PTPRD: variants seen among roughly 807,000 people sequenced by gnomAD.
The protein encoded by PTPRD is receptor-type tyrosine-protein phosphatase delta.
Under a neutral mutation model 214.5 loss-of-function variants are expected in PTPRD, and 34 were observed. That is an observed-to-expected ratio of 0.16 (90% CI 0.12 to 0.21). The LOEUF (loss-of-function observed/expected upper bound fraction) is 0.21, where lower values mean the gene tolerates loss of function less well. PTPRD is among the 10% of genes least tolerant of loss of function. The pLI is 1.00. For missense variants in PTPRD, 2,545 were observed against 2,398.7 expected (o/e 1.06, Z -1.27); for synonymous variants, 1,128 against 845.7 (o/e 1.33, Z -5.79).
At chr9:9,268,071 G>T (rs918139068) in intron 9 of PTPRD, among the ~76,000 whole-genome samples, 12 of 150,592 alleles carry the variant, frequency 8.0e-5, no homozygotes, top group Non-Finnish European at 1.5e-4. Context: ...CAAATCAAAA[G>T]AAAAAATTGT....
At chr9:10,167,119 A>AC (rs1738203408) in intron 3 of PTPRD, among the ~76,000 whole-genome samples, 1 of 132,590 alleles carries the variant, frequency 7.5e-6, no homozygotes, top group Admixed American at 7.4e-5. Flanking sequence ...ATAAAAGTAG[A>AC]CCTTTTTTTT....
chr9:9,331,734 C>T (rs1160533225), intron 9 of PTPRD, among the ~76,000 whole-genome samples: 2 of 152,062 alleles, frequency 1.3e-5, no homozygotes, highest in Non-Finnish European at 2.9e-5. Context: ...ACCTCTTTCA[C>T]ACTTACTGTC....
intron 9 of PTPRD, among the ~76,000 whole-genome samples, chr9:9,196,565 A>T (rs1246318572): frequency 2.6e-5 from 4 of 152,200 alleles, no homozygotes; most frequent in Admixed American, 2.6e-4. Flanking sequence ...TTATACGGTT[A>T]TGCCATTTTA....
chr9:9,899,407 T>C (rs1169125967), intron 5 of PTPRD, among the ~76,000 whole-genome samples: 1 of 152,150 alleles, frequency 6.6e-6, no homozygotes, highest in Non-Finnish European at 1.5e-5. Context: ...TGAATCGATA[T>C]TTCTGTAAGG....
chr9:8,728,789 G>A (rs921474435), intron 12 of PTPRD, among the ~76,000 whole-genome samples: 2 of 152,030 alleles, frequency 1.3e-5, no homozygotes, highest in Admixed American at 6.6e-5. Context: ...AGACCAGCCT[G>A]GCCAACATGG....
chr9:9,995,959 T>A (rs1566986586), intron 4 of PTPRD, among the ~76,000 whole-genome samples: 1 of 152,296 alleles, frequency 6.6e-6, no homozygotes, highest in East Asian at 1.9e-4. Flanking sequence ...TTCTACCAGA[T>A]CTTAATTGTA....
chr9:9,333,930 T>C (rs895497344), intron 9 of PTPRD, among the ~76,000 whole-genome samples: 1 of 151,952 alleles, frequency 6.6e-6, no homozygotes, highest in Non-Finnish European at 1.5e-5. Context: ...GAATATTTCA[T>C]AGTCTCTTCG....
intron 37 of PTPRD, among the ~76,000 whole-genome samples, chr9:8,382,411 C>T (rs2085392816): frequency 6.6e-6 from 1 of 152,158 alleles, no homozygotes; most frequent in African/African-American, 2.4e-5. Flanking sequence ...TCATCAGGAG[C>T]AAAGTTGCAT....
chr9:9,302,564 T>A (rs1198946750), intron 9 of PTPRD, among the ~76,000 whole-genome samples: 1 of 150,884 alleles, frequency 6.6e-6, no homozygotes, highest in East Asian at 2.0e-4. Context: ...TTTGTTCCAC[T>A]AATATTGACC....
intron 14 of PTPRD, among the ~76,000 whole-genome samples, chr9:8,549,208 C>G (rs1302103807): frequency 6.6e-6 from 1 of 152,104 alleles, no homozygotes; most frequent in Non-Finnish European, 1.5e-5. Flanking sequence ...GAGTTAGACG[C>G]ATACTGGAGA....
chr9:10,004,217 G>T (rs1014992247), intron 4 of PTPRD, among the ~76,000 whole-genome samples: 1 of 151,676 alleles, frequency 6.6e-6, no homozygotes, highest in African/African-American at 2.4e-5. Context: ...GTATATATTG[G>T]GTGTTGTTTT....
intron 10 of PTPRD, among the ~76,000 whole-genome samples, chr9:9,172,494 T>C (rs1183642884): frequency 6.6e-6 from 1 of 152,178 alleles, no homozygotes; most frequent in Admixed American, 6.6e-5. Flanking sequence ...CGTTTGGACC[T>C]AGATTAAGCA....
intron 9 of PTPRD, among the ~76,000 whole-genome samples, chr9:9,314,580 T>C (rs1407253920): frequency 3.9e-5 from 6 of 152,092 alleles, no homozygotes; most frequent in African/African-American, 1.4e-4. Context: ...GTAAAAGGCT[T>C]CCTGTTTTTC....
At chr9:10,471,952 C>T (rs572402424) in intron 2 of PTPRD, among the ~76,000 whole-genome samples, 4 of 152,082 alleles carry the variant, frequency 2.6e-5, no homozygotes, top group African/African-American at 9.6e-5. Context: ...ATTCAAAAAA[C>T]GATCTTTGTG....
intron 2 of PTPRD, among the ~76,000 whole-genome samples, chr9:10,535,243 G>C (rs1352648200): frequency 6.6e-6 from 1 of 152,042 alleles, no homozygotes; most frequent in East Asian, 1.9e-4. Context: ...ATTTCAGTCA[G>C]GTTTTCAACT....
intron 8 of PTPRD, among the ~76,000 whole-genome samples, chr9:9,454,510 A>G (rs1389362201): frequency 6.6e-6 from 1 of 151,826 alleles, no homozygotes; most frequent in East Asian, 1.9e-4. Context: ...ATTACACTGA[A>G]TTCCCCACTA....
chr9:9,681,493 T>A (rs1158749546), intron 7 of PTPRD, among the ~76,000 whole-genome samples: 2 of 151,764 alleles, frequency 1.3e-5, no homozygotes, highest in East Asian at 3.9e-4. Flanking sequence ...AGATATGATC[T>A]TGACACATAA....
chr9:10,114,219 G>A (rs553550917), intron 3 of PTPRD, among the ~76,000 whole-genome samples: 34 of 152,242 alleles, frequency 2.2e-4, no homozygotes, highest in African/African-American at 7.5e-4. Flanking sequence ...AATATTATGT[G>A]CCTTTATAGA....
intron 3 of PTPRD, among the ~76,000 whole-genome samples, chr9:10,168,523 G>A (rs187004635): frequency 2.0e-5 from 3 of 152,254 alleles, no homozygotes; most frequent in Admixed American, 1.3e-4. Context: ...TCTCTATAGA[G>A]ATCTAACAGA....
Sources: allele counts gnomAD v4.1 joint callset (sites outside exome capture counted in the v4.1 genomes callset), GRCh38; gene constraint gnomAD v4.1.1; transcripts MANE v1.5; gene names NCBI Gene and HGNC (gene_info 2026-07-23, HGNC 2026-07-21).